SEC24D: variants seen among roughly 807,000 people sequenced by gnomAD.
SEC24D encodes the protein SEC24 homolog D, COPII component, also known as protein transport protein Sec24D.
A neutral mutation model predicts 116.9 loss-of-function variants in SEC24D; 69 were observed. The observed-to-expected ratio is 0.59, with a 90% CI of 0.49 to 0.72. The LOEUF is 0.72. SEC24D is among the 30% of genes least tolerant of loss of function. SEC24D has a pLI of 0.00. For synonymous variants in SEC24D, 405 were observed against 442.8 expected, an observed-to-expected ratio of 0.91 and a Z score of 1.07; for missense variants, 1,131 against 1,264.1, an observed-to-expected ratio of 0.89 and a Z score of 1.60.
At chr4:118,762,711 C>T (rs544747286) in intron 10 of SEC24D, among the ~76,000 whole-genome samples, 2 of 152,218 alleles carry the variant, frequency 1.3e-5, no homozygotes, top group South Asian at 2.1e-4. Flanking sequence ...ATGTTTACAG[C>T]ATATTTATTA....
chr4:118,815,501 G>A lies in SEC24D; in HGVS notation c.623C>T (p.Pro208Leu). Residue 208 changes from proline to leucine, a missense_variant, in exon 5 of 23, where the codon CCC becomes CTC. Transcript: ENST00000280551. ...GPPPPNAQYQ[P>L]PPLPGQTLGA... is the part of the protein sequence containing the mutation. ...CAAGGTCTGGCCTGGAAGAGGTGGG[G>A]GCTGGTACTGGGCATTTGGAGGAGG... 6.2e-7 allele frequency: 1 copy of A among 1,614,174 alleles called. No homozygotes were observed. The highest frequency in any genetic ancestry group is 8.5e-7 in the Non-Finnish European group (1 of 1,180,020).
chr4:118,783,414 G>C (rs932523849), intron 8 of SEC24D, among the ~76,000 whole-genome samples: 1 of 152,092 alleles, frequency 6.6e-6, no homozygotes, highest in Non-Finnish European at 1.5e-5. Flanking sequence ...CAGGTTCACT[G>C]TCTAGTCTCC....
At chr4:118,797,158 T>C (rs1729213389) in intron 8 of SEC24D, among the ~76,000 whole-genome samples, 1 of 152,166 alleles carries the variant, frequency 6.6e-6, no homozygotes, top group African/African-American at 2.4e-5. Context: ...ACTTATCTTT[T>C]TTTCCCGCTC....
chr4:118,743,960 C>A, intron 15 of SEC24D, 28 bp downstream of exon 15: 1 of 1,576,258 alleles, frequency 6.3e-7, no homozygotes. Flanking sequence ...GAGTAGAAGA[C>A]CAAGGTGAAC....
intron 6 of SEC24D, among the ~76,000 whole-genome samples, chr4:118,814,767 T>C (rs1560744452): frequency 6.6e-6 from 1 of 151,832 alleles, no homozygotes; most frequent in Admixed American, 6.6e-5. Context: ...TTGTAGACAC[T>C]GCCAAGTTTA....
In SEC24D at chr4:118,744,927, A is replaced by G. The variant is rs563539488; in HGVS notation, c.1824+17T>C. 1.1e-4 allele frequency: 147 copies of G among 1,368,124 alleles called. No individual in the cohort carries two copies. Among genetic ancestry groups the G allele is most frequent in the Non-Finnish European group, 1.4e-4 (139 of 959,430 alleles). The allele number at this position is 1,368,124 out of a possible 1,614,324, so 84.7% of individuals were successfully genotyped here. On this transcript the variant is annotated intron_variant, in intron 14 of 22. Coordinates refer to ENST00000280551, the MANE Select transcript of SEC24D (RefSeq NM_014822.4). The stretch of plus-strand genomic sequence containing the variant: ...CTTAATAATTGACATATGGATACTC[A>G]AAGAGTTACAAAGTACCTTCTCTTT...
chr4:118,794,772 A>G (rs1182442504), intron 8 of SEC24D, among the ~76,000 whole-genome samples: 1 of 152,210 alleles, frequency 6.6e-6, no homozygotes, highest in East Asian at 1.9e-4. Context: ...TTTTGACAGT[A>G]TGCATCTCAA....
chr4:118,782,754 G>A (rs554103053), intron 8 of SEC24D, among the ~76,000 whole-genome samples: 58 of 152,266 alleles, frequency 3.8e-4, no homozygotes, highest in South Asian at 1.2e-3. Flanking sequence ...GGTGGGCTCC[G>A]CCCAGTTTGA....
chr4:118,781,921 T>C (rs1262859991), intron 8 of SEC24D, among the ~76,000 whole-genome samples: 1 of 152,198 alleles, frequency 6.6e-6, no homozygotes, highest in Non-Finnish European at 1.5e-5. Context: ...CGCACCATGG[T>C]TTTCAGCTCC....
Position 118,744,937 on chromosome 4 carries a change from A to AT in SEC24D, c.1824+6_1824+7insA. 6.8e-7 allele frequency: 1 copy of AT among 1,479,878 alleles called. No homozygotes were observed. The allele number at this position is 1,479,878 out of a possible 1,614,324, so 91.7% of individuals were successfully genotyped here. A position where few individuals can be genotyped will look rare whatever the true frequency, so the allele number is the denominator to read the frequency against. ...GACATATGGATACTCAAAGAGTTAC[A>AT]AAGTACCTTCTCTTTGTCTGTATTA... On this transcript the variant is annotated splice_region_variant and intron_variant, in intron 14 of 22. Transcript: ENST00000280551.
intron 14 of SEC24D, 116 bp downstream of exon 14, chr4:118,744,828 C>G: frequency 1.5e-6 from 1 of 649,958 alleles, no homozygotes; most frequent in Non-Finnish European, 2.7e-6. Flanking sequence ...TATGCAATGC[C>G]CTGGACTTAA....
chr4:118,821,707 A>G (rs749244147), intron 3 of SEC24D, among the ~76,000 whole-genome samples: 1 of 151,902 alleles, frequency 6.6e-6, no homozygotes, highest in Non-Finnish European at 1.5e-5. Flanking sequence ...TCCACAAAGA[A>G]GAGTCATATG....
At chr4:118,746,485 C>T (rs1726542505) in intron 13 of SEC24D, among the ~76,000 whole-genome samples, 1 of 152,092 alleles carries the variant, frequency 6.6e-6, no homozygotes, top group Non-Finnish European at 1.5e-5. Context: ...CCAGGTCACA[C>T]AAACAGTAAA....
intron 1 of SEC24D, among the ~76,000 whole-genome samples, chr4:118,834,147 T>C (rs546403426): frequency 2.4e-4 from 37 of 152,370 alleles, no homozygotes; most frequent in Non-Finnish European, 4.4e-4. Flanking sequence ...TAGCCTGCAA[T>C]CAGATGTTTT....
At chr4:118,826,272 G>A (rs1407472722) in intron 2 of SEC24D, among the ~76,000 whole-genome samples, 5 of 152,096 alleles carry the variant, frequency 3.3e-5, no homozygotes. Context: ...TTGAATTTGT[G>A]ACTCCGATAA....
intron 6 of SEC24D, among the ~76,000 whole-genome samples, chr4:118,812,517 A>G (rs1417907563): frequency 6.6e-6 from 1 of 152,132 alleles, no homozygotes; most frequent in African/African-American, 2.4e-5. Context: ...TAAAGATACA[A>G]GCAGCTGGAC....
chr4:118,810,854 G>A lies in SEC24D; in HGVS notation c.801+4174C>T, dbSNP rs201154017. Among the ~76,000 whole-genome samples, 17 of 151,850 alleles carry A rather than the reference G, an allele frequency of 1.1e-4. No individual in the cohort carries two copies. In the East Asian group the frequency reaches 3.3e-3, roughly 29 times the overall value. On this transcript the variant is annotated intron_variant, in intron 6 of 22. Coordinates refer to ENST00000280551, the MANE Select transcript of SEC24D (RefSeq NM_014822.4). ...AAGCCTTAGGACACTTCTAACACTA[G>A]GTAGTCAGAGAGATGAGGAGACATT...
intron 2 of SEC24D, chr4:118,825,696 AAG>A: frequency 4.8e-6 from 2 of 414,070 alleles, no homozygotes; most frequent in Non-Finnish European, 9.3e-6. Flanking sequence ...AAAAGAAAAA[AAG>A]AGAAAAACTT....
At chr4:118,758,424 A>G (rs1296094113) in intron 10 of SEC24D, 1 of 152,194 alleles carries the variant, frequency 6.6e-6, no homozygotes, top group African/African-American at 2.4e-5. Flanking sequence ...AGTTTTTTAC[A>G]TATTTGCGGT....
Sources: allele counts gnomAD v4.1 joint callset (sites outside exome capture counted in the v4.1 genomes callset), GRCh38; gene constraint gnomAD v4.1.1; transcripts MANE v1.5; gene names NCBI Gene and HGNC (gene_info 2026-07-23, HGNC 2026-07-21).